Variants in TBC1D22A observed in about 807,000 individuals in gnomAD.
TBC1D22A encodes TBC1 domain family member 22A, also known as putative GTPase activator.
Under a neutral mutation model 60.2 loss-of-function variants are expected in TBC1D22A, and 38 were observed. That is an observed-to-expected ratio of 0.63 (90% CI 0.49 to 0.83). The LOEUF is 0.83. Ranked by LOEUF, TBC1D22A falls within the 40% of genes least tolerant of loss-of-function variation. The pLI is 0.00. For synonymous variants in TBC1D22A, 302 were observed against 281.7 expected (o/e 1.07, Z -0.72); for missense variants, 628 against 701.0 (o/e 0.90, Z 1.18).
At chr22:46,841,047 G>GTGTGT (rs1555909300) in intron 4 of TBC1D22A, among the ~76,000 whole-genome samples, 19,148 of 147,380 alleles carry the variant, frequency 0.13, 1,541 homozygotes, top group East Asian at 0.25. Flanking sequence ...AATGAAAATG[G>GTGTGT]GTGTGTGTGT....
At chr22:47,013,234 A>T (rs2061809418) in intron 10 of TBC1D22A, among the ~76,000 whole-genome samples, 1 of 152,042 alleles carries the variant, frequency 6.6e-6, no homozygotes, top group Non-Finnish European at 1.5e-5. Context: ...GAGTGTGTTT[A>T]CCACCAGGAA....
intron 4 of TBC1D22A, among the ~76,000 whole-genome samples, chr22:46,843,130 G>A (rs1369239715): frequency 6.6e-6 from 1 of 152,210 alleles, no homozygotes; most frequent in Non-Finnish European, 1.5e-5. Flanking sequence ...ATGACCCACT[G>A]TAATGTGGTG....
intron 11 of TBC1D22A, among the ~76,000 whole-genome samples, chr22:47,077,694 G>A (rs1188110151): frequency 6.6e-6 from 1 of 152,224 alleles, no homozygotes; most frequent in Non-Finnish European, 1.5e-5. Flanking sequence ...GCACTGCAGA[G>A]CACCGAAGGC....
At chr22:47,006,297 C>A (rs940265861) in intron 10 of TBC1D22A, among the ~76,000 whole-genome samples, 2 of 152,224 alleles carry the variant, frequency 1.3e-5, no homozygotes, top group African/African-American at 4.8e-5. Flanking sequence ...GCAGGCATCG[C>A]AGTGAGGCTG....
intron 4 of TBC1D22A, among the ~76,000 whole-genome samples, chr22:46,854,732 T>C (rs542274446): frequency 1.8e-4 from 28 of 152,278 alleles, no homozygotes; most frequent in African/African-American, 5.5e-4. Context: ...GTGAATCACA[T>C]TGAAACGTGG....
At chr22:46,933,299 A>C (rs1034619143) in intron 8 of TBC1D22A, among the ~76,000 whole-genome samples, 1 of 152,214 alleles carries the variant, frequency 6.6e-6, no homozygotes, top group Non-Finnish European at 1.5e-5. Flanking sequence ...AGGACAGTCA[A>C]GGTGAGGTGC....
chr22:46,966,710 A>G (rs2073821539), intron 8 of TBC1D22A, among the ~76,000 whole-genome samples: 1 of 152,196 alleles, frequency 6.6e-6, no homozygotes, highest in Admixed American at 6.5e-5. Flanking sequence ...CACAGTTGAT[A>G]TTTTCCCAAG....
chr22:46,839,180 A>G (rs1166357493), intron 4 of TBC1D22A, among the ~76,000 whole-genome samples: 1 of 152,268 alleles, frequency 6.6e-6, no homozygotes, highest in Admixed American at 6.5e-5. Context: ...TGCAAAGATC[A>G]GTTGTGTTTC....
intron 9 of TBC1D22A, among the ~76,000 whole-genome samples, chr22:46,992,244 C>T (rs1393941071): frequency 1.3e-5 from 2 of 152,248 alleles, no homozygotes; most frequent in East Asian, 3.9e-4. Flanking sequence ...GCTTCCAAGC[C>T]CCCTCCTGGC....
At chr22:46,763,734 T>A (rs747962912) in intron 1 of TBC1D22A, 3 of 152,220 alleles carry the variant, frequency 2.0e-5, no homozygotes, top group Non-Finnish European at 4.4e-5. Context: ...TACTCCTGTT[T>A]CATAATAAAT....
chr22:46,888,709 G>A (rs1356159194), intron 5 of TBC1D22A, among the ~76,000 whole-genome samples: 2 of 152,174 alleles, frequency 1.3e-5, no homozygotes, highest in Non-Finnish European at 2.9e-5. Context: ...AAGGAGAAAA[G>A]CCTTTTCTGT....
chr22:47,081,928 C>T (rs534780389), intron 11 of TBC1D22A, among the ~76,000 whole-genome samples: 3 of 152,118 alleles, frequency 2.0e-5, no homozygotes, highest in Non-Finnish European at 2.9e-5. Context: ...GAGGCCGAGG[C>T]GGGTGGATCA....
chr22:46,835,881 A>G (rs960100284), intron 4 of TBC1D22A, among the ~76,000 whole-genome samples: 1 of 152,208 alleles, frequency 6.6e-6, no homozygotes, highest in African/African-American at 2.4e-5. Flanking sequence ...AAGACTATCA[A>G]TGGATTTCTC....
intron 4 of TBC1D22A, among the ~76,000 whole-genome samples, chr22:46,852,857 G>A (rs2087356352): frequency 6.8e-6 from 1 of 147,164 alleles, no homozygotes; most frequent in South Asian, 2.1e-4. Context: ...GACCCTGCCC[G>A]TCCTGGAGTT....
At chr22:46,991,835 T>G (rs779037415) in intron 9 of TBC1D22A, among the ~76,000 whole-genome samples, 1 of 152,308 alleles carries the variant, frequency 6.6e-6, no homozygotes, top group Non-Finnish European at 1.5e-5. Context: ...CCAGCTGCCC[T>G]GGCCTCCATT....
chr22:47,097,392 G>C (rs943050740), intron 11 of TBC1D22A, among the ~76,000 whole-genome samples: 2 of 152,166 alleles, frequency 1.3e-5, no homozygotes, highest in African/African-American at 4.8e-5. Flanking sequence ...GAGGCAGGTG[G>C]ATCACGAGGT....
chr22:47,126,664 G>A (rs575984812), intron 12 of TBC1D22A, among the ~76,000 whole-genome samples: 138 of 152,364 alleles, frequency 9.1e-4, no homozygotes, highest in Non-Finnish European at 1.6e-3. Flanking sequence ...GGAAGCGGTA[G>A]GCTGGAGGCC....
chr22:47,047,837 C>G (rs1258196709), intron 11 of TBC1D22A, among the ~76,000 whole-genome samples: 1 of 152,244 alleles, frequency 6.6e-6, no homozygotes, highest in Non-Finnish European at 1.5e-5. Context: ...TGCCTCTACT[C>G]CTTGCCTTTG....
intron 12 of TBC1D22A, among the ~76,000 whole-genome samples, chr22:47,148,262 CAGAG>C (rs2067358643): frequency 6.6e-6 from 1 of 150,772 alleles, no homozygotes; most frequent in Non-Finnish European, 1.5e-5. Context: ...AAACCTGTCA[CAGAG>C]AGAGGCACCT....
Sources: gnomAD v4.1 joint callset for allele counts (sites outside exome capture counted in the v4.1 genomes callset) on GRCh38, gnomAD v4.1.1 for gene constraint, MANE v1.5 for transcripts, NCBI Gene and HGNC (gene_info 2026-07-23, HGNC 2026-07-21) for gene names.